The following FARP2 variants were observed in gnomAD, a reference collection of about 807,000 sequenced individuals.
The protein encoded by FARP2 is FERM, ARHGEF and pleckstrin domain-containing protein 2.
A neutral mutation model predicts 130.5 loss-of-function variants in FARP2; 111 were observed. The ratio of observed to expected loss-of-function variants is 0.85; its 90% CI spans 0.73 to 1.00. FARP2 has a LOEUF of 1.00. Ranked by LOEUF, FARP2 falls within the 50% of genes least tolerant of loss-of-function variation. The pLI, the probability that FARP2 is intolerant of heterozygous loss-of-function variation, is 0.00. For missense variants in FARP2, 1,385 were observed against 1,346.3 expected (o/e 1.03, Z -0.45); for synonymous variants, 504 against 516.9 (o/e 0.98, Z 0.34).
At chr2:241,462,382 TC>T (rs1473375688) in intron 14 of FARP2, 140 bp from the exon 15 acceptor site, 1 of 562,508 alleles carries the variant, frequency 1.8e-6, no homozygotes, top group African/African-American at 1.9e-5. Flanking sequence ...GGGATAAATC[TC>T]TTCAGAAGTT....
chr2:241,393,097 G>T (rs1184070484), intron 2 of FARP2, among the ~76,000 whole-genome samples: 1 of 151,532 alleles, frequency 6.6e-6, no homozygotes, highest in Non-Finnish European at 1.5e-5. Flanking sequence ...TCAGCTCATT[G>T]CAACCTCTGC....
chr2:241,454,384 T>C (rs1223664322), intron 13 of FARP2, among the ~76,000 whole-genome samples: 2 of 152,164 alleles, frequency 1.3e-5, no homozygotes, highest in African/African-American at 2.4e-5. Context: ...GTGGGAGACA[T>C]CTTCCTGCCA....
intron 2 of FARP2, among the ~76,000 whole-genome samples, chr2:241,397,109 T>G (rs1457421926): frequency 6.6e-6 from 1 of 152,120 alleles, no homozygotes; most frequent in Non-Finnish European, 1.5e-5. Flanking sequence ...CCGCATGTTC[T>G]CACTCATAGA....
At chr2:241,437,739 A>G (rs2063278991) in intron 12 of FARP2, among the ~76,000 whole-genome samples, 1 of 148,960 alleles carries the variant, frequency 6.7e-6, no homozygotes, top group Admixed American at 7.1e-5. Context: ...ATCTCGGCTC[A>G]CTGCAAGCTC....
At chr2:241,395,412 A>G (rs766241271) in intron 2 of FARP2, 1 of 152,202 alleles carries the variant, frequency 6.6e-6, no homozygotes, top group Admixed American at 6.5e-5. Context: ...ATTCAAATTA[A>G]ATCTGTTTTT....
intron 6 of FARP2, among the ~76,000 whole-genome samples, chr2:241,412,087 A>T (rs2062534474): frequency 1.3e-5 from 2 of 152,200 alleles, no homozygotes; most frequent in African/African-American, 4.8e-5. Flanking sequence ...GGAGCCTCAG[A>T]TCGTGGCCCT....
At chr2:241,431,004 A>G (rs115453166) in intron 8 of FARP2, among the ~76,000 whole-genome samples, 2,529 of 152,134 alleles carry the variant, frequency 0.017, 48 homozygotes, top group African/African-American at 0.043. Flanking sequence ...TGTCTCAAAA[A>G]AAAAAAAGAA....
intron 13 of FARP2, among the ~76,000 whole-genome samples, chr2:241,453,419 G>T (rs529307949): frequency 1.1e-4 from 16 of 151,808 alleles, no homozygotes; most frequent in Non-Finnish European, 1.6e-4. Context: ...TCAGGAGATC[G>T]AGACCATCCT....
At chr2:241,363,123 C>T (rs1459907204) in intron 1 of FARP2, among the ~76,000 whole-genome samples, 2 of 152,244 alleles carry the variant, frequency 1.3e-5, no homozygotes, top group Non-Finnish European at 2.9e-5. Flanking sequence ...GTCTTCCCTT[C>T]AGCATCCCCT....
chr2:241,358,866 C>CTA (rs2061123059), intron 1 of FARP2, among the ~76,000 whole-genome samples: 2 of 152,106 alleles, frequency 1.3e-5, no homozygotes, highest in Non-Finnish European at 1.5e-5. Flanking sequence ...TTCTGGGGAG[C>CTA]GTTTAGTTGA....
chr2:241,489,228 G>T (rs924343340), intron 21 of FARP2: 15 of 152,216 alleles, frequency 9.9e-5, no homozygotes, highest in African/African-American at 3.1e-4. Flanking sequence ...CTGGTCCTGG[G>T]GACAGAGAAC....
chr2:241,367,758 GC>G (rs1400958448), intron 1 of FARP2, among the ~76,000 whole-genome samples: 1 of 152,058 alleles, frequency 6.6e-6, no homozygotes, highest in African/African-American at 2.4e-5. Flanking sequence ...GGTGGACTAT[GC>G]TTTTGTCTAA....
chr2:241,483,582 C>G, intron 20 of FARP2, 49 bp downstream of exon 20: 1 of 1,570,072 alleles, frequency 6.4e-7, no homozygotes, highest in Non-Finnish European at 8.8e-7. Flanking sequence ...GGGGGATGGG[C>G]AGCAGTTCTG....
chr2:241,362,043 C>A (rs1287541697), intron 1 of FARP2, among the ~76,000 whole-genome samples: 1 of 151,766 alleles, frequency 6.6e-6, no homozygotes, highest in African/African-American at 2.4e-5. Flanking sequence ...TACAGGCACA[C>A]GCCACCACGC....
At chr2:241,378,190 C>G (rs754286521) in intron 2 of FARP2, among the ~76,000 whole-genome samples, 6 of 151,818 alleles carry the variant, frequency 4.0e-5, no homozygotes, top group Admixed American at 1.3e-4. Flanking sequence ...CAACCTCTGC[C>G]TCCTGGGCTC....
intron 2 of FARP2, among the ~76,000 whole-genome samples, chr2:241,374,331 T>C (rs371138706): frequency 1.3e-5 from 2 of 152,228 alleles, no homozygotes; most frequent in South Asian, 4.1e-4. Context: ...TTTAAAATTA[T>C]TTATTTTCAT....
intron 5 of FARP2, among the ~76,000 whole-genome samples, chr2:241,410,028 C>G (rs766060154): frequency 6.6e-6 from 1 of 152,088 alleles, no homozygotes; most frequent in Non-Finnish European, 1.5e-5. Context: ...GGCATGAATT[C>G]CACTAGGGAC....
chr2:241,484,035 C>T, intron 20 of FARP2: 1 of 1,362,794 alleles, frequency 7.3e-7, no homozygotes, highest in Non-Finnish European at 9.5e-7. Context: ...GGGAGCTGAC[C>T]CAGCAGATGC....
At chr2:241,491,483 G>C in intron 23 of FARP2, 33 bp from the exon 24 acceptor site, 1 of 1,611,280 alleles carries the variant, frequency 6.2e-7, no homozygotes, top group Non-Finnish European at 8.5e-7. Context: ...GCCACAGGGG[G>C]TTCCCCCTGA....
Sources: allele counts gnomAD v4.1 joint callset (sites outside exome capture counted in the v4.1 genomes callset), GRCh38; gene constraint gnomAD v4.1.1; transcripts MANE v1.5; gene names NCBI Gene and HGNC (gene_info 2026-07-23, HGNC 2026-07-21).